Variants in ARTN observed in about 807,000 individuals in gnomAD.
ARTN encodes neublastin.
In ARTN, 9 loss-of-function variants were observed where a neutral mutation model predicts 15.4. The ratio of observed to expected loss-of-function variants is 0.58; its 90% CI spans 0.35 to 1.02. ARTN has a LOEUF of 1.02. ARTN is among the 50% of genes least tolerant of loss of function. The pLI is 0.02. For synonymous variants in ARTN, 163 were observed against 155.8 expected (o/e 1.05, Z -0.35); for missense variants, 284 against 327.9 (o/e 0.87, Z 1.03).
In ARTN at chr1:43,936,177, GC is replaced by G; in HGVS notation, c.151del (p.Arg51AlafsTer210). 1 of 1,541,018 alleles carries G rather than the reference GC, an allele frequency of 6.5e-7. No individual in the cohort carries two copies. The highest frequency in any genetic ancestry group is 1.9e-5 in the Admixed American group (1 of 52,416). On this transcript the variant is annotated frameshift_variant, in exon 4 of 5. Transcript: ENST00000372359. LOFTEE classifies it high-confidence loss of function. The surrounding 1 kb of genome is among the most constrained non-coding windows in gnomAD (Gnocchi z 6.6). Reference sequence around the variant, plus strand: ...CCTGGGCTCCGCGCCCCGCAGCCCTGCCCCCCGCGAAGGCCCCCCGCCTGTC... The same window carrying G: ...CCTGGGCTCCGCGCCCCGCAGCCCTGCCCCCGCGAAGGCCCCCCGCCTGTC... Reference protein sequence around the residue: ...ASLGSAPRSPAPREGPPPVLA... With the variant: ...ASLGSAPRSPXPREGPPPVLA...
intron 2 of ARTN, chr1:43,934,506 C>G (rs1225841831): frequency 1.3e-5 from 2 of 152,348 alleles, no homozygotes; most frequent in Non-Finnish European, 2.9e-5. Context: ...TGGAGGACAA[C>G]CCCGGGAAGG....
Position 43,936,102 on chromosome 1 carries a change from T to C in ARTN, c.70T>C (p.Trp24Arg). 1.9e-6 allele frequency: 3 copies of C among 1,610,470 alleles called. No homozygotes were observed. Among genetic ancestry groups the C allele is most frequent in the Non-Finnish European group, 2.5e-6 (3 of 1,179,834 alleles). The change falls in exon 4 of 5, where the codon TGG becomes CGG. Residue 24 changes from tryptophan (W) to arginine (R), a missense_variant. Transcript: ENST00000372359. The surrounding 1 kb of genome is among the most constrained non-coding windows in gnomAD (Gnocchi z 6.6). ...CPWPRQQPALWPTLAALALLS... is the reference protein window; with the variant it reads ...CPWPRQQPALRPTLAALALLS... ...TGGTCTCTCCGCGCAGCCTGCCCTG[T>C]GGCCCACCCTGGCCGCTCTGGCTCT...
Position 43,936,211 on chromosome 1 carries a change from C to T in ARTN, c.179C>T (p.Ser60Phe). The change falls in exon 4 of 5, where the codon TCC becomes TTC. Residue 60 changes from serine (S) to phenylalanine (F), a missense_variant. Transcript: ENST00000372359. The surrounding 1 kb of genome is among the most constrained non-coding windows in gnomAD (Gnocchi z 6.6). ...PREGPPPVLA[S>F]PAGHLPGGRT... ...GAAGGCCCCCCGCCTGTCCTGGCGT[C>T]CCCCGCCGGCCACCTGCCGGGTAGG... 1.3e-6 allele frequency: 2 copies of T among 1,485,084 alleles called. No individual in the cohort carries two copies. Among genetic ancestry groups the T allele is most frequent in the East Asian group, 2.6e-5 (1 of 38,360 alleles). 92.0% of individuals were successfully genotyped at this position (1,485,084 alleles called of 1,614,324 possible).
rs1039044027 is a variant in ARTN at position 43,935,196 on chromosome 1, C to T, written c.-67-394C>T. Among the ~76,000 whole-genome samples, 6 of 152,172 alleles carry T rather than the reference C, an allele frequency of 3.9e-5. No homozygotes were observed. In the East Asian group the frequency reaches 5.8e-4, roughly 15 times the overall value. ...CTTCTCCAGCCCTCAGCTTCCTCTC[C>T]GGCAGCCTGGGGTGAAGGCCTCTGT... On this transcript the variant is annotated intron_variant, in intron 2 of 4. Transcript: ENST00000372359.
chr1:43,935,864 C>A, intron 3 of ARTN, 148 bp downstream of exon 3: 2 of 921,002 alleles, frequency 2.2e-6, no homozygotes, highest in Non-Finnish European at 1.7e-6. Context: ...AGGAGCGGGA[C>A]TTCTCTGAAT....
chr1:43,936,982 A>G lies in ARTN; in HGVS notation c.*217A>G. The G allele has an allele frequency of 1.7e-6, 1 of 578,516 alleles. No homozygotes were observed. The highest frequency in any genetic ancestry group is 2.6e-6 in the Non-Finnish European group (1 of 391,142). 35.8% of individuals were successfully genotyped at this position (578,516 alleles called of 1,614,324 possible). A position where few individuals can be genotyped will look rare whatever the true frequency, so the allele number is the denominator to read the frequency against. ...CCTCACCCTGCGGATCCCAGCCTAA[A>G]AGACACCAGAGACCTCAGCTATGGA... On this transcript the variant is annotated 3_prime_UTR_variant, in exon 5 of 5. Coordinates refer to ENST00000372359, the MANE Select transcript of ARTN (RefSeq NM_057091.3). The surrounding 1 kb of genome is among the most constrained non-coding windows in gnomAD (Gnocchi z 6.6).
intron 2 of ARTN, among the ~76,000 whole-genome samples, chr1:43,934,824 C>T (rs1490951313): frequency 6.6e-6 from 1 of 152,132 alleles, no homozygotes; most frequent in Non-Finnish European, 1.5e-5. Flanking sequence ...GGTATGGAAG[C>T]CTAGCTGGCC....
chr1:43,934,625 C>T (rs1287076256), intron 2 of ARTN: 1 of 152,736 alleles, frequency 6.5e-6, no homozygotes, highest in Non-Finnish European at 1.5e-5. Flanking sequence ...CTTACGAAGG[C>T]TCTAGGGCCC....
In ARTN at chr1:43,936,962, C is replaced by T; in HGVS notation, c.*197C>T. Reference sequence around the variant, plus strand: ...CTGACTAGCAGCCCCAGAGCCCTCACCCTGCGGATCCCAGCCTAAAAGACA... The same window carrying T: ...CTGACTAGCAGCCCCAGAGCCCTCATCCTGCGGATCCCAGCCTAAAAGACA... On this transcript the variant is annotated 3_prime_UTR_variant, in exon 5 of 5. Transcript: ENST00000372359. This position sits in a 1 kb window ranked among gnomAD's most constrained non-coding sequence, Gnocchi z 6.6. The T allele has an allele frequency of 2.8e-6, 2 of 702,276 alleles. No homozygotes were observed. Among genetic ancestry groups the T allele is most frequent in the Non-Finnish European group, 4.0e-6 (2 of 500,580 alleles). The allele number at this position is 702,276 out of a possible 1,614,324, so 43.5% of individuals were successfully genotyped here. A position where few individuals can be genotyped will look rare whatever the true frequency, so the allele number is the denominator to read the frequency against.
intron 3 of ARTN, 80 bp downstream of exon 3, chr1:43,935,796 G>C (rs2085085282): frequency 7.1e-7 from 1 of 1,409,350 alleles, no homozygotes; most frequent in Non-Finnish European, 9.8e-7. Context: ...GGCTTGGCTT[G>C]GGCAGCGGTT....
In ARTN at chr1:43,935,631, G is replaced by C; in HGVS notation, c.-26G>C. 4 of 1,611,628 alleles carry C rather than the reference G, an allele frequency of 2.5e-6. No individual in the cohort carries two copies. Among genetic ancestry groups the C allele is most frequent in the Non-Finnish European group, 3.4e-6 (4 of 1,178,942 alleles). On this transcript the variant is annotated 5_prime_UTR_variant, in exon 3 of 5. Transcript: ENST00000372359. ...GTGGGGGAACAGCTCAACAATGGCT[G>C]ATGGGCGCTCCTGGTGTTGATAGAG... is the stretch of plus-strand genomic sequence containing the variant.
Position 43,936,340 on chromosome 1 carries a change from C to A in ARTN, c.238C>A (p.Arg80=). ...TARWCSGRAR[R]PPPQPSRPAP... is the part of the protein sequence containing the mutation. ...CCGCTGGTGCAGTGGAAGAGCCCGG[C>A]GGCCGCCGCCGCAGCCTTCTCGGCC... The change falls in exon 5 of 5, where the codon CGG becomes AGG. Residue 80 remains arginine, a synonymous_variant. Transcript: ENST00000372359. The surrounding 1 kb of genome is among the most constrained non-coding windows in gnomAD (Gnocchi z 6.6). 1 of 1,327,124 alleles carries A rather than the reference C, an allele frequency of 7.5e-7. No individual in the cohort carries two copies. The highest frequency in any genetic ancestry group is 9.6e-7 in the Non-Finnish European group (1 of 1,044,974). The allele number at this position is 1,327,124 out of a possible 1,614,324, so 82.2% of individuals were successfully genotyped here. A position where few individuals can be genotyped will look rare whatever the true frequency, so the allele number is the denominator to read the frequency against.
At position 43,936,822 on chromosome 1, in the gene ARTN, G is replaced by A. The variant is rs1489067261; in HGVS notation, c.*57G>A. On this transcript the variant is annotated 3_prime_UTR_variant, in exon 5 of 5. Coordinates refer to ENST00000372359, the MANE Select transcript of ARTN (RefSeq NM_057091.3). The surrounding 1 kb of genome is among the most constrained non-coding windows in gnomAD (Gnocchi z 6.6). ...CTTACCGGTGGCTCTTCCTGCCTGG[G>A]ACCCTCCCGCAGAGTCCCACTAGCC... is the stretch of plus-strand genomic sequence containing the variant. 2 of 1,373,144 alleles carry A rather than the reference G, an allele frequency of 1.5e-6. No homozygotes were observed. Among genetic ancestry groups the A allele is most frequent in the Non-Finnish European group, 1.9e-6 (2 of 1,056,584 alleles). The allele number at this position is 1,373,144 out of a possible 1,614,324, so 85.1% of individuals were successfully genotyped here. A position where few individuals can be genotyped will look rare whatever the true frequency, so the allele number is the denominator to read the frequency against.
chr1:43,935,078 G>A (rs545788199), intron 2 of ARTN, among the ~76,000 whole-genome samples: 2 of 152,328 alleles, frequency 1.3e-5, no homozygotes, highest in African/African-American at 4.8e-5. Flanking sequence ...ACAGAGGGGC[G>A]AGGTGAAGCA....
At chr1:43,934,486 C>A (rs1265123692) in intron 2 of ARTN, 2 of 152,396 alleles carry the variant, frequency 1.3e-5, no homozygotes, top group Admixed American at 6.5e-5. Flanking sequence ...AAGAGGCACA[C>A]ACCAGGACCT....
In ARTN at chr1:43,936,367, G is replaced by A. The variant is rs2085096248; in HGVS notation, c.265G>A (p.Ala89Thr). Residue 89 changes from alanine (A) to threonine (T), a missense_variant, in exon 5 of 5, where the codon GCG becomes ACG. By Grantham distance (58) the Ala-to-Thr change is moderately conservative. Transcript: ENST00000372359. The surrounding 1 kb of genome is among the most constrained non-coding windows in gnomAD (Gnocchi z 6.6). ...GCCGCCGCCGCAGCCTTCTCGGCCCGCGCCCCCGCCGCCTGCACCCCCATC... is the reference window on the plus strand; with the variant it reads ...GCCGCCGCCGCAGCCTTCTCGGCCCACGCCCCCGCCGCCTGCACCCCCATC... Reference protein sequence around the residue: ...RRPPPQPSRPAPPPPAPPSAL... With the variant: ...RRPPPQPSRPTPPPPAPPSAL... 6.2e-6 allele frequency: 8 copies of A among 1,295,660 alleles called. No individual in the cohort carries two copies. Among genetic ancestry groups the A allele is most frequent in the Middle Eastern group, 3.0e-4 (1 of 3,376 alleles). 80.3% of individuals were successfully genotyped at this position (1,295,660 alleles called of 1,614,324 possible).
At position 43,935,647 on chromosome 1, in the gene ARTN, G is replaced by A; in HGVS notation, c.-10G>A. 2 of 1,613,382 alleles carry A rather than the reference G, an allele frequency of 1.2e-6. No homozygotes were observed. The highest frequency in any genetic ancestry group is 1.7e-6 in the Non-Finnish European group (2 of 1,179,662). On this transcript the variant is annotated 5_prime_UTR_variant, in exon 3 of 5. Transcript: ENST00000372359. ...ACAATGGCTGATGGGCGCTCCTGGT[G>A]TTGATAGAGATGGAACTTGGACTTG...
chr1:43,936,894 C>A lies in ARTN; in HGVS notation c.*129C>A. 1.6e-5 allele frequency: 20 copies of A among 1,228,906 alleles called. No homozygotes were observed. Among genetic ancestry groups the A allele is most frequent in the Non-Finnish European group, 1.9e-5 (18 of 959,962 alleles). 76.1% of individuals were successfully genotyped at this position (1,228,906 alleles called of 1,614,324 possible). ...AGGCCTCAAAGCTGAGAGGCCCCTGCCGGTGGGTGATGGATATCATCCCCG... is the reference window on the plus strand; with the variant it reads ...AGGCCTCAAAGCTGAGAGGCCCCTGACGGTGGGTGATGGATATCATCCCCG... On this transcript the variant is annotated 3_prime_UTR_variant, in exon 5 of 5. Transcript: ENST00000372359. This position sits in a 1 kb window ranked among gnomAD's most constrained non-coding sequence, Gnocchi z 6.6.
intron 2 of ARTN, 122 bp downstream of exon 2, chr1:43,934,382 G>A (rs965856154): frequency 6.6e-6 from 1 of 152,616 alleles, no homozygotes; most frequent in Non-Finnish European, 1.5e-5. Context: ...GCTCCCCCTA[G>A]CGCAGAGGGC....
Sources: gnomAD v4.1 joint callset for allele counts (sites outside exome capture counted in the v4.1 genomes callset) on GRCh38, gnomAD v4.1.1 for gene constraint, Gnocchi (gnomAD v3.1) non-coding constraint, MANE v1.5 for transcripts, NCBI Gene and HGNC (gene_info 2026-07-23, HGNC 2026-07-21) for gene names.